ALPK2: variants seen among roughly 807,000 people sequenced by gnomAD.
The protein encoded by ALPK2 is alpha-protein kinase 2.
In ALPK2, 127 loss-of-function variants were observed where a neutral mutation model predicts 163.1. That is an observed-to-expected ratio of 0.78 (90% CI 0.67 to 0.90). The LOEUF is 0.90. Ranked by LOEUF, ALPK2 falls within the 40% of genes least tolerant of loss-of-function variation. The pLI is 0.00. For synonymous variants in ALPK2, 953 were observed against 959.1 expected, an observed-to-expected ratio of 0.99 and a Z score of 0.12; for missense variants, 2,360 against 2,589.6, an observed-to-expected ratio of 0.91 and a Z score of 1.92.
At position 58,536,976 on chromosome 18, in the gene ALPK2, C is replaced by T. The variant is rs144840598; in HGVS notation, c.3211G>A (p.Glu1071Lys). 2 of 1,614,178 alleles carry T rather than the reference C, an allele frequency of 1.2e-6. No individual in the cohort carries two copies. Among genetic ancestry groups the T allele is most frequent in the East Asian group, 2.2e-5 (1 of 44,880 alleles). The change falls in exon 5 of 13, where the codon GAG (glutamate) becomes AAG (lysine). Residue 1071 changes from glutamate to lysine, a missense_variant. Glu to Lys is a moderately conservative substitution (Grantham distance 56). Transcript: ENST00000361673. ...LSGATIKSTK[E>K]LLCRAPSVPG... ...ACACTGGGTGCCCTGCAAAGTAGCT[C>T]TTTTGTAGATTTGATGGTAGCACCA...
chr18:58,520,155 T>C (rs113822885), intron 8 of ALPK2, among the ~76,000 whole-genome samples: 2,071 of 152,094 alleles, frequency 0.014, 44 homozygotes, highest in African/African-American at 0.048. Context: ...AGGCCGGGTG[T>C]GGTGGTTCAC....
intron 8 of ALPK2, among the ~76,000 whole-genome samples, chr18:58,522,508 A>G (rs747347880): frequency 6.6e-6 from 1 of 152,252 alleles, no homozygotes; most frequent in Non-Finnish European, 1.5e-5. Context: ...ACGAGCATTC[A>G]TGAGCAGCAG....
Position 58,541,820 on chromosome 18 carries a change from C to T in ALPK2, c.1963-3596G>A, listed in dbSNP as rs117617851. Among the ~76,000 whole-genome samples, 46 of 152,252 alleles carry T rather than the reference C, an allele frequency of 3.0e-4. No homozygotes were observed. The East Asian group carries it at 6.6e-3, about 22-fold the overall frequency. ...CCCAGTTCATATTTGTACTTGCTTA[C>T]GGCATCAGTTTCAAGAGCAGGCTCC... On this transcript the variant is annotated intron_variant, in intron 4 of 12. Coordinates refer to ENST00000361673, the MANE Select transcript of ALPK2 (RefSeq NM_052947.4).
chr18:58,482,414 C>T (rs183033426), intron 12 of ALPK2, among the ~76,000 whole-genome samples: 4 of 152,070 alleles, frequency 2.6e-5, no homozygotes, highest in East Asian at 1.9e-4. Context: ...TCCATCACAC[C>T]GAGAAGTTCT....
At chr18:58,538,778 G>T (rs1602208263) in intron 4 of ALPK2, among the ~76,000 whole-genome samples, 1 of 152,138 alleles carries the variant, frequency 6.6e-6, no homozygotes, top group East Asian at 1.9e-4. Context: ...GAAGTGTTTG[G>T]GTTATGGGGG....
chr18:58,553,038 G>T (rs948787799), intron 4 of ALPK2, among the ~76,000 whole-genome samples: 2 of 152,146 alleles, frequency 1.3e-5, no homozygotes, highest in South Asian at 2.1e-4. Flanking sequence ...AAGGCCATGT[G>T]ATGATGGAGG....
At chr18:58,592,556 C>T (rs1043518629) in intron 3 of ALPK2, among the ~76,000 whole-genome samples, 2 of 152,042 alleles carry the variant, frequency 1.3e-5, no homozygotes, top group African/African-American at 2.4e-5. Context: ...ATGTGGGATT[C>T]GCAGGAGGTA....
At position 58,612,929 on chromosome 18, in the gene ALPK2, G is replaced by A. The variant is rs111314008; in HGVS notation, c.-20-1112C>T. ...AACCACACTACAGTGTGGTTAGCCT[G>A]AACAGGGAAGGGGCGGTTAGGAACT... On this transcript the variant is annotated intron_variant, in intron 1 of 12. Coordinates refer to ENST00000361673, the MANE Select transcript of ALPK2 (RefSeq NM_052947.4). Among the ~76,000 whole-genome samples the A allele has an allele frequency of 4.9e-3, 748 of 152,264 alleles. 6 individuals are homozygous for A. Among genetic ancestry groups the A allele is most frequent in the African/African-American group, 0.017 (719 of 41,558 alleles).
intron 10 of ALPK2, among the ~76,000 whole-genome samples, chr18:58,505,762 C>T (rs143938886): frequency 5.3e-5 from 8 of 152,184 alleles, no homozygotes; most frequent in Non-Finnish European, 1.0e-4. Context: ...GGCTTTCCCT[C>T]GAAAGAAGCC....
chr18:58,508,586 C>G (rs1193449179), intron 10 of ALPK2, among the ~76,000 whole-genome samples: 2 of 152,202 alleles, frequency 1.3e-5, no homozygotes, highest in Admixed American at 6.5e-5. Flanking sequence ...CTGTTACACT[C>G]CCACCAGTGC....
Position 58,580,311 on chromosome 18 carries a change from C to A in ALPK2, c.465G>T (p.Pro155=). 3 of 1,614,054 alleles carry A rather than the reference C, an allele frequency of 1.9e-6. No homozygotes were observed. Among genetic ancestry groups the A allele is most frequent in the South Asian group, 2.2e-5 (2 of 91,060 alleles). The change falls in exon 4 of 13, where the codon CCG becomes CCT. Residue 155 remains proline (P), a synonymous_variant. Coordinates refer to ENST00000361673, the MANE Select transcript of ALPK2 (RefSeq NM_052947.4). The part of the protein sequence containing the change: ...HPYKEEESIS[P]GTPRSADSSP... ...AGGAGTCAGCTGACCTGGGAGTGCC[C>A]GGGGAGATGCTTTCTTCTTCCTTAT...
intron 1 of ALPK2, among the ~76,000 whole-genome samples, chr18:58,621,523 G>T (rs1056734869): frequency 2.0e-5 from 3 of 152,094 alleles, no homozygotes; most frequent in Admixed American, 1.3e-4. Context: ...CGCCCGCCTC[G>T]GCCTCCCAAA....
At chr18:58,496,287 A>G (rs2051400766) in intron 12 of ALPK2, among the ~76,000 whole-genome samples, 1 of 152,136 alleles carries the variant, frequency 6.6e-6, no homozygotes, top group Admixed American at 6.5e-5. Context: ...CCACTACATC[A>G]TAATCCCTCC....
chr18:58,573,288 ATATG>A (rs1291869755), intron 4 of ALPK2, among the ~76,000 whole-genome samples: 8 of 147,496 alleles, frequency 5.4e-5, no homozygotes, highest in Non-Finnish European at 8.9e-5. Context: ...ATATGTGTAT[ATATG>A]TATATATGTG....
chr18:58,606,702 G>A (rs2052099492), intron 3 of ALPK2, among the ~76,000 whole-genome samples: 1 of 152,124 alleles, frequency 6.6e-6, no homozygotes, highest in Non-Finnish European at 1.5e-5. Context: ...ATGGCACTGT[G>A]ACCAATTTAG....
intron 12 of ALPK2, among the ~76,000 whole-genome samples, chr18:58,482,314 C>G (rs1333106532): frequency 6.6e-6 from 1 of 151,968 alleles, no homozygotes; most frequent in Non-Finnish European, 1.5e-5. Flanking sequence ...TGGAATGTAC[C>G]AGCATTTTAT....
At chr18:58,494,017 G>GAACTCCCCGAC (rs2051388574) in intron 12 of ALPK2, among the ~76,000 whole-genome samples, 1 of 152,136 alleles carries the variant, frequency 6.6e-6, no homozygotes, top group Non-Finnish European at 1.5e-5. Context: ...GCCTCCCCGG[G>GAACTCCCCGAC]AACTCCCCGA....
intron 5 of ALPK2, among the ~76,000 whole-genome samples, chr18:58,531,037 GA>G (rs1224356239): frequency 6.6e-6 from 1 of 151,086 alleles, no homozygotes; most frequent in East Asian, 1.9e-4. Flanking sequence ...CCCATCTCTA[GA>G]AAAAAAAATT....
intron 1 of ALPK2, among the ~76,000 whole-genome samples, chr18:58,624,595 C>T (rs538584955): frequency 3.3e-4 from 50 of 152,266 alleles, no homozygotes; most frequent in Non-Finnish European, 1.2e-4. Context: ...GCTGGGATTA[C>T]AGGCGTGTGC....
Sources: gnomAD v4.1 joint callset for allele counts (sites outside exome capture counted in the v4.1 genomes callset) on GRCh38, gnomAD v4.1.1 for gene constraint, MANE v1.5 for transcripts, NCBI Gene and HGNC (gene_info 2026-07-23, HGNC 2026-07-21) for gene names.